GMCL1: variants seen among roughly 807,000 people sequenced by gnomAD.
GMCL1 encodes germ cell-less 1, spermatogenesis associated.
In GMCL1, 54 loss-of-function variants were observed where a neutral mutation model predicts 75.5. The ratio of observed to expected loss-of-function variants is 0.71; its 90% CI spans 0.57 to 0.90. GMCL1 has a LOEUF of 0.90. Ranked by LOEUF, GMCL1 falls within the 40% of genes least tolerant of loss-of-function variation. The probability of loss-of-function intolerance (pLI) is 0.00; values close to 1 mark genes in which losing one functional copy is unlikely to be tolerated. For missense variants in GMCL1, 537 were observed against 622.7 expected, an observed-to-expected ratio of 0.86 and a Z score of 1.47; for synonymous variants, 210 against 209.6, an observed-to-expected ratio of 1.00 and a Z score of -0.02.
chr2:69,845,444 CCTTT>C (rs1273657249), intron 6 of GMCL1, among the ~76,000 whole-genome samples: 2 of 152,272 alleles, frequency 1.3e-5, no homozygotes, highest in Non-Finnish European at 2.9e-5. Flanking sequence ...TGCAGAGCAG[CCTTT>C]CTTTTTTAAA....
At chr2:69,835,807 T>C (rs1454499) in intron 1 of GMCL1, among the ~76,000 whole-genome samples, 57,595 of 152,026 alleles carry the variant, frequency 0.38, 12,517 homozygotes, top group African/African-American at 0.57. Context: ...GAGTTGGCTG[T>C]GGTGCTCTAA....
intron 11 of GMCL1, among the ~76,000 whole-genome samples, chr2:69,868,594 G>T (rs1322351449): frequency 6.7e-6 from 1 of 149,342 alleles, no homozygotes; most frequent in Non-Finnish European, 1.5e-5. Context: ...TGTATTTTTA[G>T]TAGAGATGGG....
chr2:69,855,481 C>T (rs1167006003), intron 9 of GMCL1, among the ~76,000 whole-genome samples: 2 of 151,880 alleles, frequency 1.3e-5, no homozygotes, highest in African/African-American at 4.8e-5. Context: ...ACTATATATA[C>T]ATATACAAAA....
At chr2:69,871,159 G>C (rs1486495921) in intron 12 of GMCL1, among the ~76,000 whole-genome samples, 1 of 147,942 alleles carries the variant, frequency 6.8e-6, no homozygotes, top group African/African-American at 2.6e-5. Flanking sequence ...ACAAAATGTG[G>C]TATATACATA....
intron 11 of GMCL1, among the ~76,000 whole-genome samples, chr2:69,868,574 T>TA (rs1294867479): frequency 6.6e-6 from 1 of 151,108 alleles, no homozygotes; most frequent in Non-Finnish European, 1.5e-5. Context: ...TATTTTTTTT[T>TA]ATTCTTTTTT....
chr2:69,833,984 A>G (rs549455267), intron 1 of GMCL1, among the ~76,000 whole-genome samples: 1 of 152,344 alleles, frequency 6.6e-6, no homozygotes, highest in East Asian at 1.9e-4. Flanking sequence ...CAGTGTCACA[A>G]CTGCTTGTCT....
intron 11 of GMCL1, among the ~76,000 whole-genome samples, 167 bp downstream of exon 11, chr2:69,865,142 T>A (rs187800510): frequency 6.6e-6 from 1 of 152,328 alleles, no homozygotes; most frequent in East Asian, 1.9e-4. Context: ...CCACACTCAG[T>A]AGTGATTGAT....
chr2:69,857,524 A>C (rs1200970918), intron 9 of GMCL1, among the ~76,000 whole-genome samples: 1 of 152,140 alleles, frequency 6.6e-6, no homozygotes, highest in Non-Finnish European at 1.5e-5. Flanking sequence ...CCTCATTGTC[A>C]GTTTTGTGAA....
chr2:69,871,831 A>G lies in GMCL1; in HGVS notation c.1451A>G (p.Gln484Arg), dbSNP rs186856147. ...GYQILTLEKD[Q>R]EQVVMNLDSR... Reference sequence around the variant, plus strand: ...CAAATACTTACACTTGAAAAGGATCAGGTATGTTCGATTATCTTCTGGTAT... The same window carrying G: ...CAAATACTTACACTTGAAAAGGATCGGGTATGTTCGATTATCTTCTGGTAT... Residue 484 changes from glutamine to arginine, a missense_variant and splice_region_variant, in exon 13 of 14, where the codon CAG becomes CGG. Around this residue, in one of 3 missense-constraint regions of GMCL1, gnomAD observed 345 missense variants for 410.5 expected, o/e 0.84. Transcript: ENST00000282570. The G allele has an allele frequency of 1.9e-6, 3 of 1,547,678 alleles. No homozygotes were observed. Among genetic ancestry groups the G allele is most frequent in the South Asian group, 1.2e-5 (1 of 84,476 alleles).
intron 1 of GMCL1, among the ~76,000 whole-genome samples, chr2:69,830,490 T>G (rs1405234077): frequency 6.6e-6 from 1 of 152,186 alleles, no homozygotes; most frequent in Non-Finnish European, 1.5e-5. Context: ...CCCTCTCAAG[T>G]GGGTAGCCGC....
chr2:69,858,080 A>G (rs1033347176), intron 9 of GMCL1, among the ~76,000 whole-genome samples: 2 of 152,214 alleles, frequency 1.3e-5, no homozygotes, highest in African/African-American at 2.4e-5. Context: ...TACTGGGTTT[A>G]TATTCAAAAC....
intron 1 of GMCL1, among the ~76,000 whole-genome samples, chr2:69,837,023 C>G (rs1377995): frequency 0.6 from 90,888 of 152,030 alleles, 29,722 homozygotes; most frequent in African/African-American, 0.87. Context: ...TGTCCAGTGG[C>G]TGGAAAACAT....
chr2:69,866,574 A>G (rs1269147339), intron 11 of GMCL1, among the ~76,000 whole-genome samples: 1 of 152,008 alleles, frequency 6.6e-6, no homozygotes, highest in Non-Finnish European at 1.5e-5. Flanking sequence ...ACTAAAAGCA[A>G]CAGTCTCTGG....
chr2:69,871,703 T>TATCAAATAAAAAACAGAGG, intron 12 of GMCL1, 42 bp from the exon 13 acceptor site: 1 of 1,096,220 alleles, frequency 9.1e-7, no homozygotes, highest in Non-Finnish European at 1.3e-6. Flanking sequence ...ATCTGTGGTT[T>TATCAAATAAAAAACAGAGG]AAAAATCTTG....
intron 7 of GMCL1, among the ~76,000 whole-genome samples, chr2:69,848,245 CA>C (rs1211933083): frequency 6.6e-6 from 1 of 152,180 alleles, no homozygotes; most frequent in African/African-American, 2.4e-5. Flanking sequence ...CTTTTGTCCG[CA>C]AAACAGTGTT....
intron 8 of GMCL1, among the ~76,000 whole-genome samples, chr2:69,851,333 C>T (rs569502864): frequency 3.9e-5 from 6 of 152,052 alleles, no homozygotes; most frequent in African/African-American, 1.4e-4. Context: ...GTACTCCCAG[C>T]ACTTTGGGAG....
At chr2:69,855,087 C>A in intron 9 of GMCL1, 127 bp downstream of exon 9, 1 of 685,544 alleles carries the variant, frequency 1.5e-6, no homozygotes, top group Non-Finnish European at 2.3e-6. Context: ...ATCTTTATGC[C>A]AAAGTGGAAT....
chr2:69,878,990 G>GA lies in GMCL1; in HGVS notation c.1541dup (p.Asn515GlufsTer22), dbSNP rs1282897493. The GA allele has an allele frequency of 6.3e-7, 1 of 1,584,526 alleles. No homozygotes were observed. The highest frequency in any genetic ancestry group is 8.6e-7 in the Non-Finnish European group (1 of 1,157,268). ...CTGTAACTTCTTGTATATATCACCAGAAAAAAAGAATTGAAAATAATCGTC... is the reference window on the plus strand; with the variant it reads ...CTGTAACTTCTTGTATATATCACCAGAAAAAAAAGAATTGAAAATAATCGTC... On this transcript the variant is annotated frameshift_variant, in exon 14 of 14. Coordinates refer to ENST00000282570, the MANE Select transcript of GMCL1 (RefSeq NM_178439.5). LOFTEE classifies it high-confidence loss of function.
At chr2:69,830,978 G>A (rs1377243219) in intron 1 of GMCL1, among the ~76,000 whole-genome samples, 3 of 152,182 alleles carry the variant, frequency 2.0e-5, no homozygotes, top group Non-Finnish European at 4.4e-5. Context: ...GGAGTGCAGT[G>A]GTGCGATCTC....
Sources: gnomAD v4.1 joint callset for allele counts (sites outside exome capture counted in the v4.1 genomes callset) on GRCh38, gnomAD v4.1.1 for gene constraint, gnomAD v4.1.1 regional missense constraint, MANE v1.5 for transcripts, NCBI Gene and HGNC (gene_info 2026-07-23, HGNC 2026-07-21) for gene names.